The following PPFIA2 variants were observed in gnomAD, a reference collection of about 807,000 sequenced individuals.
PPFIA2 encodes the protein PPFI scaffold protein A2.
In PPFIA2, 46 loss-of-function variants were observed where a neutral mutation model predicts 175.5. That is an observed-to-expected ratio of 0.26 (90% CI 0.21 to 0.34). The LOEUF is 0.34. Ranked by LOEUF, PPFIA2 falls within the 10% of genes least tolerant of loss-of-function variation. PPFIA2 has a pLI of 1.00. For missense variants in PPFIA2, 1,179 were observed against 1,506.1 expected, an observed-to-expected ratio of 0.78 and a Z score of 3.60; for synonymous variants, 568 against 511.4, an observed-to-expected ratio of 1.11 and a Z score of -1.49.
At chr12:81,421,938 C>G in intron 7 of PPFIA2, among the ~76,000 whole-genome samples, 1 of 151,194 alleles carries the variant, frequency 6.6e-6, no homozygotes, top group Non-Finnish European at 1.5e-5. Context: ...GCCATGCAAA[C>G]GGTAATCAAA....
intron 4 of PPFIA2, among the ~76,000 whole-genome samples, chr12:81,625,816 C>T (rs964022217): frequency 6.7e-6 from 1 of 148,344 alleles, no homozygotes; most frequent in Non-Finnish European, 1.5e-5. Context: ...TCTACTTTTA[C>T]TTCCTGTAGC....
chr12:81,312,583 A>G (rs2051208314), intron 22 of PPFIA2, among the ~76,000 whole-genome samples: 1 of 152,238 alleles, frequency 6.6e-6, no homozygotes, highest in African/African-American at 2.4e-5. Context: ...ATATAGCTTT[A>G]TAAGCCTACT....
rs368912674 is a variant in PPFIA2, at chr12:81,457,789, A to G, written c.381T>C (p.Leu127=). The G allele has an allele frequency of 1.2e-6, 2 of 1,608,836 alleles. No individual in the cohort carries two copies. Among genetic ancestry groups the G allele is most frequent in the Non-Finnish European group, 1.7e-6 (2 of 1,177,324 alleles). The part of the protein sequence containing the change: ...LLEKEEEISE[L]KAERNNTRLL... ...CTCTTGTGTTGTTTCTTTCAGCTTT[A>G]AGTTCAGAGATTTCTTCTTCCTTTT... Residue 127 remains leucine (L), a synonymous_variant, in exon 5 of 33, where the codon CTT becomes CTC. Transcript: ENST00000549396.
chr12:81,542,763 G>T (rs1217455343), intron 4 of PPFIA2, among the ~76,000 whole-genome samples: 1 of 151,998 alleles, frequency 6.6e-6, no homozygotes, highest in Non-Finnish European at 1.5e-5. Flanking sequence ...TTATAGCCAG[G>T]AATGTCTTTT....
At chr12:81,758,582 T>C (rs2153672116) in intron 1 of PPFIA2, 75 bp from the exon 2 acceptor site, 1 of 364,010 alleles carries the variant, frequency 2.7e-6, no homozygotes, top group Non-Finnish European at 5.6e-6. Flanking sequence ...CCCGGCCCGG[T>C]GGCGTGGCAG....
chr12:81,370,441 C>T (rs1432379242), intron 11 of PPFIA2, among the ~76,000 whole-genome samples: 1 of 151,820 alleles, frequency 6.6e-6, no homozygotes, highest in African/African-American at 2.4e-5. Flanking sequence ...GGCTTACTCT[C>T]AGATAGGTTT....
chr12:81,622,782 T>C (rs2062212828), intron 4 of PPFIA2, among the ~76,000 whole-genome samples: 1 of 152,150 alleles, frequency 6.6e-6, no homozygotes, highest in Non-Finnish European at 1.5e-5. Flanking sequence ...TGTTCCTCCT[T>C]CTGCCCCTAC....
intron 8 of PPFIA2, among the ~76,000 whole-genome samples, chr12:81,386,475 A>G (rs1006033324): frequency 1.3e-5 from 2 of 151,562 alleles, no homozygotes; most frequent in African/African-American, 4.8e-5. Flanking sequence ...TAGGAAAATT[A>G]GCCAGGTGTT....
In PPFIA2 at chr12:81,674,492, AC is replaced by A. The variant is rs932128987; in HGVS notation, c.303+2298del. ...AGACCAGCCTGACCAACACGGTGAAACCCTGTATCTACTAGAAATACAAAAA... is the reference window on the plus strand; with the variant it reads ...AGACCAGCCTGACCAACACGGTGAAACCTGTATCTACTAGAAATACAAAAA... On this transcript the variant is annotated intron_variant, in intron 4 of 32. Coordinates refer to ENST00000549396, the MANE Select transcript of PPFIA2 (RefSeq NM_003625.5). Among the ~76,000 whole-genome samples the A allele has an allele frequency of 9.0e-4, 137 of 152,014 alleles. 1 individual carries two copies. The highest frequency in any genetic ancestry group is 2.9e-3 in the African/African-American group (120 of 41,492).
intron 4 of PPFIA2, among the ~76,000 whole-genome samples, chr12:81,586,228 A>G (rs146456324): frequency 2.0e-3 from 308 of 152,112 alleles, no homozygotes; most frequent in Admixed American, 4.7e-3. Flanking sequence ...TACAATCAAG[A>G]ATATTTACGA....
intron 7 of PPFIA2, among the ~76,000 whole-genome samples, chr12:81,410,991 A>C (rs1409648607): frequency 1.3e-5 from 2 of 151,984 alleles, no homozygotes; most frequent in African/African-American, 4.8e-5. Flanking sequence ...CCAAGCCCCA[A>C]ATTTCCCCTT....
In PPFIA2 at chr12:81,562,644, G is replaced by A. The variant is rs1389937460; in HGVS notation, c.304-104778C>T. Among the ~76,000 whole-genome samples, 8 of 151,280 alleles carry A rather than the reference G, an allele frequency of 5.3e-5. No individual in the cohort carries two copies. In the South Asian group the frequency reaches 1.0e-3, roughly 20 times the overall value. On this transcript the variant is annotated intron_variant, in intron 4 of 32. Coordinates refer to ENST00000549396, the MANE Select transcript of PPFIA2 (RefSeq NM_003625.5). ...GGGCGGATCACGAGGTCAGGAGATC[G>A]AGACCATCCCGGCTAAAACGGTGAA...
chr12:81,741,301 T>C (rs2082292532), intron 3 of PPFIA2, among the ~76,000 whole-genome samples: 2 of 152,240 alleles, frequency 1.3e-5, no homozygotes, highest in African/African-American at 4.8e-5. Context: ...GAATTATATT[T>C]GTTTTCTTGT....
intron 8 of PPFIA2, among the ~76,000 whole-genome samples, chr12:81,400,651 T>C (rs2041955347): frequency 6.6e-6 from 1 of 152,200 alleles, no homozygotes; most frequent in African/African-American, 2.4e-5. Flanking sequence ...AATTGTTATG[T>C]TGCATTTTTA....
chr12:81,339,824 A>C (rs2057756934), intron 20 of PPFIA2, among the ~76,000 whole-genome samples: 1 of 152,106 alleles, frequency 6.6e-6, no homozygotes, highest in African/African-American at 2.4e-5. Context: ...TTTTGGAGCC[A>C]AATTCAGTTA....
At chr12:81,383,680 C>G (rs748825213) in intron 9 of PPFIA2, among the ~76,000 whole-genome samples, 4 of 152,024 alleles carry the variant, frequency 2.6e-5, no homozygotes, top group Non-Finnish European at 5.9e-5. Flanking sequence ...TTGTAGTATT[C>G]CTATATGCTA....
At position 81,758,526 on chromosome 12, in the gene PPFIA2, A is replaced by G; in HGVS notation, c.-110-19T>C. The G allele has an allele frequency of 2.3e-6, 1 of 440,518 alleles. No homozygotes were observed. The highest frequency in any genetic ancestry group is 4.6e-6 in the Non-Finnish European group (1 of 216,788). The allele number at this position is 440,518 out of a possible 1,614,324, so 27.3% of individuals were successfully genotyped here. ...CATTTCCCTAGCAACGGGAGGAGAA[A>G]GGCAGCTCAGACACACGCGTGCCCC... On this transcript the variant is annotated intron_variant, in intron 1 of 32. Transcript: ENST00000549396.
At chr12:81,733,299 A>G (rs1241320435) in intron 3 of PPFIA2, among the ~76,000 whole-genome samples, 2 of 151,580 alleles carry the variant, frequency 1.3e-5, no homozygotes, top group African/African-American at 4.8e-5. Flanking sequence ...CTTTGACTCT[A>G]AAATCTTAAA....
At chr12:81,538,915 A>T (rs1018637637) in intron 4 of PPFIA2, among the ~76,000 whole-genome samples, 1 of 151,910 alleles carries the variant, frequency 6.6e-6, no homozygotes, top group Non-Finnish European at 1.5e-5. Context: ...TTGAGAACAG[A>T]CCATAGAGCG....
Sources: gnomAD v4.1 joint callset for allele counts (sites outside exome capture counted in the v4.1 genomes callset) on GRCh38, gnomAD v4.1.1 for gene constraint, MANE v1.5 for transcripts, NCBI Gene and HGNC (gene_info 2026-07-23, HGNC 2026-07-21) for gene names.